The following SLC25A26 variants were observed in gnomAD, a reference collection of about 807,000 sequenced individuals.
The protein encoded by SLC25A26 is solute carrier family 25 member 26, also known as mitochondrial S-adenosylmethionine carrier protein.
Under a neutral mutation model 37.8 loss-of-function variants are expected in SLC25A26, and 36 were observed. That is an observed-to-expected ratio of 0.95 (90% confidence interval 0.73 to 1.26). SLC25A26 has a LOEUF of 1.26. Among genes scored for constraint, SLC25A26 ranks in the 50% most tolerant of loss-of-function variants. SLC25A26 has a pLI of 0.00. For missense variants in SLC25A26, 390 were observed against 331.1 expected, an observed-to-expected ratio of 1.18 and a Z score of -1.38; for synonymous variants, 129 against 122.5, an observed-to-expected ratio of 1.05 and a Z score of -0.35.
intron 1 of SLC25A26, among the ~76,000 whole-genome samples, chr3:66,141,456 G>A (rs1205808263): frequency 6.6e-6 from 1 of 151,788 alleles, no homozygotes; most frequent in African/African-American, 2.4e-5. Flanking sequence ...GGATTGTCAT[G>A]AGGATGATAA....
chr3:66,375,402 G>C (rs971469935), intron 9 of SLC25A26, among the ~76,000 whole-genome samples: 2 of 152,224 alleles, frequency 1.3e-5, no homozygotes, highest in African/African-American at 4.8e-5. Flanking sequence ...CCTTCGATTA[G>C]AAGAAGATGC....
At chr3:66,208,868 G>GTATA (rs2071221273) in intron 1 of SLC25A26, among the ~76,000 whole-genome samples, 2 of 10,580 alleles carry the variant, frequency 1.9e-4, no homozygotes, top group Admixed American at 1.9e-3. Context: ...ATATGGGTGT[G>GTATA]TGTATATATA....
At position 66,283,029 on chromosome 3, in the gene SLC25A26, C is replaced by T. The variant is rs186183090; in HGVS notation, c.453+19650C>T. On this transcript the variant is annotated intron_variant, in intron 5 of 9. Coordinates refer to ENST00000354883, the MANE Select transcript of SLC25A26 (RefSeq NM_001379210.1). Reference sequence around the variant, plus strand: ...TTATTGCATGTATCAATAGTTTCTTCCTTTTTATTGCAGGGTGGTATTCCA... The same window carrying T: ...TTATTGCATGTATCAATAGTTTCTTTCTTTTTATTGCAGGGTGGTATTCCA... 8.3e-4 allele frequency among the ~76,000 whole-genome samples: 126 copies of T among 152,236 alleles called. No individual in the cohort carries two copies. In the East Asian group the frequency reaches 0.02, roughly 24 times the overall value.
chr3:66,276,836 A>T (rs1202380651), intron 5 of SLC25A26, among the ~76,000 whole-genome samples: 1 of 151,468 alleles, frequency 6.6e-6, no homozygotes, highest in African/African-American at 2.4e-5. Context: ...TTGTTATTCA[A>T]CTTGTCAGTG....
In SLC25A26 at chr3:66,362,884, C is replaced by G; in HGVS notation, c.523C>G (p.His175Asp). Reference protein sequence around the residue: ...LKALWSWRQDHVVDSWQSAVC... With the variant: ...LKALWSWRQDDVVDSWQSAVC... The stretch of plus-strand genomic sequence containing the variant: ...GGCCCTCTGGTCCTGGAGGCAGGAT[C>G]ATGTGGTGGATTCTTGGCAGTCAGC... The change falls in exon 7 of 10, where the codon CAT becomes GAT. Residue 175 changes from histidine to aspartate, a missense_variant. Transcript: ENST00000354883. 6.2e-7 allele frequency: 1 copy of G among 1,607,448 alleles called. No individual in the cohort carries two copies. Among genetic ancestry groups the G allele is most frequent in the Non-Finnish European group, 8.5e-7 (1 of 1,176,840 alleles).
intron 1 of SLC25A26, among the ~76,000 whole-genome samples, chr3:66,202,523 A>G (rs1463055515): frequency 6.8e-6 from 1 of 147,746 alleles, no homozygotes; most frequent in Non-Finnish European, 1.5e-5. Flanking sequence ...GAGAACTTAA[A>G]GTAAAATGAA....
intron 5 of SLC25A26, among the ~76,000 whole-genome samples, chr3:66,272,629 C>G (rs1208692393): frequency 6.6e-6 from 1 of 152,006 alleles, no homozygotes; most frequent in African/African-American, 2.4e-5. Flanking sequence ...TGTGATCACT[C>G]CAGCTAAAAT....
intron 6 of SLC25A26, among the ~76,000 whole-genome samples, chr3:66,359,922 C>T (rs1031535853): frequency 6.6e-6 from 1 of 152,198 alleles, no homozygotes; most frequent in African/African-American, 2.4e-5. Context: ...GATAGCTGCA[C>T]TCTCAGTGCA....
At chr3:66,249,593 T>C (rs1226025572) in intron 3 of SLC25A26, among the ~76,000 whole-genome samples, 1 of 152,242 alleles carries the variant, frequency 6.6e-6, no homozygotes, top group Non-Finnish European at 1.5e-5. Flanking sequence ...AGCAAGATAA[T>C]AGAAGAAAGG....
At chr3:66,316,096 G>A (rs72902950) in intron 5 of SLC25A26, among the ~76,000 whole-genome samples, 1,711 of 152,150 alleles carry the variant, frequency 0.011, 34 homozygotes, top group African/African-American at 0.038. Flanking sequence ...TTTAATTGGG[G>A]GCATTTGCCC....
chr3:66,290,096 C>T (rs2107502582), intron 5 of SLC25A26, among the ~76,000 whole-genome samples: 1 of 152,208 alleles, frequency 6.6e-6, no homozygotes, highest in African/African-American at 2.4e-5. Flanking sequence ...AATGGGAATT[C>T]ACTCATTATT....
At chr3:66,185,220 G>C (rs1320270228) in intron 1 of SLC25A26, among the ~76,000 whole-genome samples, 2 of 152,064 alleles carry the variant, frequency 1.3e-5, no homozygotes, top group African/African-American at 4.8e-5. Flanking sequence ...TTGTCCTTTG[G>C]TGACTGGATC....
chr3:66,239,842 A>T (rs1039496806), intron 2 of SLC25A26, among the ~76,000 whole-genome samples: 2 of 128,030 alleles, frequency 1.6e-5, no homozygotes, highest in African/African-American at 6.0e-5. Context: ...TTTTTTTTTA[A>T]CAGTGGATTA....
intron 5 of SLC25A26, among the ~76,000 whole-genome samples, chr3:66,315,627 C>A (rs1464764791): frequency 6.6e-6 from 1 of 152,026 alleles, no homozygotes; most frequent in African/African-American, 2.4e-5. Context: ...AGGTATCTGT[C>A]AGGTCCACTT....
chr3:66,346,072 G>A (rs572088853), intron 5 of SLC25A26, among the ~76,000 whole-genome samples: 1 of 152,254 alleles, frequency 6.6e-6, no homozygotes, highest in African/African-American at 2.4e-5. Flanking sequence ...GCGTGTGCCT[G>A]TAGTCCCAGC....
At chr3:66,238,279 T>TA (rs36182008) in intron 2 of SLC25A26, among the ~76,000 whole-genome samples, 44,398 of 152,106 alleles carry the variant, frequency 0.29, 7,873 homozygotes, top group African/African-American at 0.5. Flanking sequence ...AAAACTTAAC[T>TA]ACTGATAGCC....
chr3:66,352,235 A>G (rs1415028607), intron 6 of SLC25A26, among the ~76,000 whole-genome samples: 1 of 152,080 alleles, frequency 6.6e-6, no homozygotes, highest in East Asian at 1.9e-4. Flanking sequence ...AAATTAGACC[A>G]TACTATTCCT....
chr3:66,165,446 G>A (rs754923739), intron 1 of SLC25A26, among the ~76,000 whole-genome samples: 120 of 152,176 alleles, frequency 7.9e-4, no homozygotes, highest in Admixed American at 7.2e-4. Flanking sequence ...AATGAATACA[G>A]AGGTTTCTAA....
chr3:66,328,592 A>G (rs560455156), intron 5 of SLC25A26, among the ~76,000 whole-genome samples: 2 of 152,196 alleles, frequency 1.3e-5, no homozygotes, highest in African/African-American at 4.8e-5. Context: ...GACAGCTGCT[A>G]AAGTCATCTA....
Sources: allele counts gnomAD v4.1 joint callset (sites outside exome capture counted in the v4.1 genomes callset), GRCh38; gene constraint gnomAD v4.1.1; transcripts MANE v1.5; gene names NCBI Gene and HGNC (gene_info 2026-07-23, HGNC 2026-07-21).